RAP1GAP2: variants seen among roughly 807,000 people sequenced by gnomAD.
RAP1GAP2 encodes the protein RAP1 GTPase activating protein 2, also known as rap1 GTPase-activating protein 2.
In RAP1GAP2, 27 loss-of-function variants were observed where a neutral mutation model predicts 95.0. That is an observed-to-expected ratio of 0.28 (90% CI 0.21 to 0.39). The LOEUF is 0.39. Among genes scored for constraint, RAP1GAP2 ranks in the 10% least tolerant of loss-of-function variants. The probability of loss-of-function intolerance (pLI) is 1.00; values close to 1 mark genes in which losing one functional copy is unlikely to be tolerated. For synonymous variants in RAP1GAP2, 373 were observed against 380.9 expected, an observed-to-expected ratio of 0.98 and a Z score of 0.24; for missense variants, 771 against 970.0, an observed-to-expected ratio of 0.79 and a Z score of 2.72.
rs1196700788 is a variant in RAP1GAP2 at position 2,922,825 on chromosome 17, TG to T, written c.165+17458del. Among the ~76,000 whole-genome samples, 606 of 133,162 alleles carry T rather than the reference TG, an allele frequency of 4.6e-3. 6 individuals are homozygous for T. Among genetic ancestry groups the T allele is most frequent in the African/African-American group, 0.017 (529 of 31,074 alleles). The allele number at this position is 133,162 out of a possible 152,430, so 87.4% of individuals were successfully genotyped here. On this transcript the variant is annotated intron_variant, in intron 3 of 24. Coordinates refer to ENST00000254695, the MANE Select transcript of RAP1GAP2 (RefSeq NM_015085.5). ...AAAAAAGTGCCCAGTATTTTCTTTTTGTTTTTGTTTTTTTTTTTTTTTTTGA... is the reference window on the plus strand; with the variant it reads ...AAAAAAGTGCCCAGTATTTTCTTTTTTTTTTGTTTTTTTTTTTTTTTTTGA...
Position 3,026,976 on chromosome 17 carries a change from G to T in RAP1GAP2, c.2013G>T (p.Lys671Asn). 6.4e-7 allele frequency: 1 copy of T among 1,554,654 alleles called. No homozygotes were observed. Among genetic ancestry groups the T allele is most frequent in the Non-Finnish European group, 8.7e-7 (1 of 1,148,844 alleles). Residue 671 changes from lysine to asparagine, a missense_variant, in exon 22 of 25, where the codon AAG (lysine) becomes AAT (asparagine). Physicochemically the swap from Lys to Asn is moderately conservative, Grantham distance 94. Coordinates refer to ENST00000254695, the MANE Select transcript of RAP1GAP2 (RefSeq NM_015085.5). ...AGCCGTCCACGACCTCACCCTTCAA[G>T]CAGGAGGTGTTTGTCTACAGCCCGT... ...GSQPSTTSPFKQEVFVYSPSP... is the reference protein window; with the variant it reads ...GSQPSTTSPFNQEVFVYSPSP...
intron 19 of RAP1GAP2, among the ~76,000 whole-genome samples, chr17:3,021,428 G>A (rs1597894196): frequency 2.0e-5 from 2 of 100,252 alleles, no homozygotes; most frequent in Admixed American, 1.4e-4. Flanking sequence ...TGCGATATTT[G>A]TCTTTTTTTT....
At chr17:2,961,376 G>A (rs192109082) in intron 4 of RAP1GAP2, among the ~76,000 whole-genome samples, 179 of 151,182 alleles carry the variant, frequency 1.2e-3, no homozygotes, top group Non-Finnish European at 1.1e-3. Context: ...TTAGCTGGGC[G>A]TGGTGGTACA....
chr17:2,800,259 T>G, intron 1 of RAP1GAP2: 3 of 980,578 alleles, frequency 3.1e-6, no homozygotes, highest in Non-Finnish European at 3.6e-6. Flanking sequence ...ATTTTACCTT[T>G]CTGAGCCTGG....
At chr17:2,991,749 C>CTATTT (rs1343909206) in intron 12 of RAP1GAP2, among the ~76,000 whole-genome samples, 1 of 152,088 alleles carries the variant, frequency 6.6e-6, no homozygotes, top group Non-Finnish European at 1.5e-5. Flanking sequence ...GGGAAATGAC[C>CTATTT]TATTTTATTT....
At chr17:2,916,115 A>G (rs2042559007) in intron 3 of RAP1GAP2, among the ~76,000 whole-genome samples, 2 of 152,166 alleles carry the variant, frequency 1.3e-5, no homozygotes, top group Admixed American at 1.3e-4. Context: ...CTGTTGTTCC[A>G]GTACTGTATG....
chr17:2,913,582 C>T (rs2042464554), intron 3 of RAP1GAP2, among the ~76,000 whole-genome samples: 1 of 152,236 alleles, frequency 6.6e-6, no homozygotes, highest in Non-Finnish European at 1.5e-5. Flanking sequence ...AGCCACCACA[C>T]TCGGCCTTCT....
chr17:2,980,597 A>G (rs1269273119), intron 9 of RAP1GAP2, among the ~76,000 whole-genome samples: 2 of 152,210 alleles, frequency 1.3e-5, no homozygotes, highest in Non-Finnish European at 2.9e-5. Context: ...GCTTAGGAAC[A>G]GTATCCTCCA....
At chr17:2,939,292 G>A (rs903846488) in intron 3 of RAP1GAP2, among the ~76,000 whole-genome samples, 3 of 152,180 alleles carry the variant, frequency 2.0e-5, no homozygotes, top group African/African-American at 7.2e-5. Flanking sequence ...CTTTCGCCAT[G>A]TTGGCCAGGC....
intron 2 of RAP1GAP2, among the ~76,000 whole-genome samples, chr17:2,856,672 C>T (rs949319769): frequency 6.6e-6 from 1 of 152,116 alleles, no homozygotes; most frequent in African/African-American, 2.4e-5. Context: ...AGGGAAGGAC[C>T]CGGATAGGGA....
intron 2 of RAP1GAP2, among the ~76,000 whole-genome samples, chr17:2,849,195 C>G (rs181095713): frequency 3.9e-5 from 6 of 152,160 alleles, no homozygotes; most frequent in African/African-American, 1.4e-4. Context: ...GGACCCTGCC[C>G]GTGGAGGGGA....
chr17:2,932,226 T>A (rs1160923438), intron 3 of RAP1GAP2, among the ~76,000 whole-genome samples: 1 of 152,152 alleles, frequency 6.6e-6, no homozygotes, highest in Non-Finnish European at 1.5e-5. Flanking sequence ...GTTTTCCTCC[T>A]TCGCGCTGAA....
intron 17 of RAP1GAP2, 136 bp from the exon 18 acceptor site, chr17:3,017,925 G>T: frequency 1.3e-6 from 1 of 756,992 alleles, no homozygotes; most frequent in Non-Finnish European, 2.0e-6. Flanking sequence ...CCGTGTGTGT[G>T]TGTGTGTGTG....
intron 1 of RAP1GAP2, among the ~76,000 whole-genome samples, chr17:2,761,485 TC>T (rs1221898947): frequency 1.4e-5 from 2 of 148,094 alleles, no homozygotes; most frequent in African/African-American, 2.5e-5. Flanking sequence ...ACGGGGTTTC[TC>T]CACGTTGGCC....
intron 8 of RAP1GAP2, among the ~76,000 whole-genome samples, chr17:2,979,455 G>A (rs1263777333): frequency 7.2e-6 from 1 of 138,114 alleles, no homozygotes; most frequent in Non-Finnish European, 1.5e-5. Flanking sequence ...TATCAGGCGT[G>A]TTCTGTTTTT....
rs115611769 is a variant in RAP1GAP2 at position 2,979,820 on chromosome 17, C to G, written c.597-467C>G. Among the ~76,000 whole-genome samples, 1,391 of 152,190 alleles carry G rather than the reference C, an allele frequency of 9.1e-3. 26 individuals are homozygous for G. Among genetic ancestry groups the G allele is most frequent in the African/African-American group, 0.032 (1,315 of 41,516 alleles). On this transcript the variant is annotated intron_variant, in intron 8 of 24. Transcript: ENST00000254695. ...GCATGCCTAAGTAGGATTCCGTTTTCCCACAAGGCAAGTGTGATGTGTGGT... is the reference window on the plus strand; with the variant it reads ...GCATGCCTAAGTAGGATTCCGTTTTGCCACAAGGCAAGTGTGATGTGTGGT...
chr17:3,030,544 A>T (rs1422194364), intron 22 of RAP1GAP2, among the ~76,000 whole-genome samples: 1 of 152,340 alleles, frequency 6.6e-6, no homozygotes, highest in East Asian at 1.9e-4. Context: ...GGAAGAAGAT[A>T]TACTGTAGCC....
At position 2,931,280 on chromosome 17, in the gene RAP1GAP2, TTG is replaced by T. The variant is rs34690298; in HGVS notation, c.165+25944_165+25945del. On this transcript the variant is annotated intron_variant, in intron 3 of 24. Transcript: ENST00000254695. ...TATGTTTGCCATGAGTGAGTGTTTCTTGTGTGTGTGTGTGTGTGTGTGTGTGT... is the reference window on the plus strand; with the variant it reads ...TATGTTTGCCATGAGTGAGTGTTTCTTGTGTGTGTGTGTGTGTGTGTGTGT... 7.9e-3 allele frequency among the ~76,000 whole-genome samples: 1,153 copies of T among 146,734 alleles called. 12 individuals carry two copies. The highest frequency in any genetic ancestry group is 0.068 in the East Asian group (340 of 4,982).
chr17:2,854,111 C>G, intron 2 of RAP1GAP2: 1 of 985,446 alleles, frequency 1.0e-6, no homozygotes, highest in African/African-American at 1.7e-5. Flanking sequence ...AGGTAAACCC[C>G]TGCAGCGCCG....
Sources: allele counts gnomAD v4.1 joint callset (sites outside exome capture counted in the v4.1 genomes callset), GRCh38; gene constraint gnomAD v4.1.1; transcripts MANE v1.5; gene names NCBI Gene and HGNC (gene_info 2026-07-23, HGNC 2026-07-21).